The following RNF185 variants were observed in gnomAD, a reference collection of about 807,000 sequenced individuals.
The protein encoded by RNF185 is E3 ubiquitin-protein ligase RNF185.
A neutral mutation model predicts 24.9 loss-of-function variants in RNF185; 13 were observed. The ratio of observed to expected loss-of-function variants is 0.52; its 90% CI spans 0.34 to 0.83. The LOEUF (loss-of-function observed/expected upper bound fraction) is 0.83, where lower values mean the gene tolerates loss of function less well. Among genes scored for constraint, RNF185 ranks in the 40% least tolerant of loss-of-function variants. The probability of loss-of-function intolerance (pLI) is 0.01; values close to 1 mark genes in which losing one functional copy is unlikely to be tolerated. For synonymous variants in RNF185, 79 were observed against 90.3 expected (o/e 0.88, Z 0.71); for missense variants, 184 against 244.7 (o/e 0.75, Z 1.65).
At chr22:31,168,042 T>C (rs865962029) in intron 1 of RNF185, among the ~76,000 whole-genome samples, 24 of 152,340 alleles carry the variant, frequency 1.6e-4, no homozygotes, top group Middle Eastern at 6.8e-3. Flanking sequence ...TCCAGAACTG[T>C]TTTCATCTTG....
intron 3 of RNF185, among the ~76,000 whole-genome samples, chr22:31,193,360 A>T (rs1308423588): frequency 6.6e-6 from 1 of 152,210 alleles, no homozygotes; most frequent in Non-Finnish European, 1.5e-5. Context: ...CTGGTAGTAC[A>T]TATTGACTAT....
At chr22:31,176,964 C>T (rs1212337631) in intron 1 of RNF185, among the ~76,000 whole-genome samples, 1 of 152,106 alleles carries the variant, frequency 6.6e-6, no homozygotes, top group African/African-American at 2.4e-5. Context: ...ATCATGGAGC[C>T]CTTTGGAAGG....
chr22:31,163,767 G>T (rs911196642), intron 1 of RNF185, among the ~76,000 whole-genome samples: 1 of 151,282 alleles, frequency 6.6e-6, no homozygotes, highest in Admixed American at 6.6e-5. Context: ...TCCACCTCCC[G>T]GGCTCAAGCA....
At chr22:31,181,134 G>T (rs2048032412) in intron 1 of RNF185, among the ~76,000 whole-genome samples, 1 of 151,996 alleles carries the variant, frequency 6.6e-6, no homozygotes, top group Non-Finnish European at 1.5e-5. Context: ...AATTGCTTGA[G>T]CCCAGGAGTT....
rs2048314976 is a variant in RNF185, at chr22:31,206,402, C to A, written c.*1816C>A. ...GCTCTTTTTATCACCTTCTGGAAAT[C>A]CGCAAAGTTGCAGGGGCCTCTGGAG... On this transcript the variant is annotated 3_prime_UTR_variant, in exon 7 of 7. Transcript: ENST00000326132. 1 of 152,526 alleles carries A rather than the reference C, an allele frequency of 6.6e-6. No individual in the cohort carries two copies. The highest frequency in any genetic ancestry group is 1.5e-5 in the Non-Finnish European group (1 of 68,064). The allele number at this position is 152,526 out of a possible 1,614,324, so 9.4% of individuals were successfully genotyped here. A position where few individuals can be genotyped will look rare whatever the true frequency, so the allele number is the denominator to read the frequency against.
At chr22:31,170,565 C>T (rs945873899) in intron 1 of RNF185, among the ~76,000 whole-genome samples, 1 of 151,760 alleles carries the variant, frequency 6.6e-6, no homozygotes, top group Non-Finnish European at 1.5e-5. Flanking sequence ...GGGTGGAGTG[C>T]GGTAGTATGA....
rs190699044 is a variant in RNF185, at chr22:31,205,707, A to G, written c.*1121A>G. 2.0e-5 allele frequency: 3 copies of G among 152,308 alleles called. No individual in the cohort carries two copies. The highest frequency in any genetic ancestry group is 1.3e-4 in the Admixed American group (2 of 15,288). 9.4% of individuals were successfully genotyped at this position (152,308 alleles called of 1,614,324 possible). A position where few individuals can be genotyped will look rare whatever the true frequency, so the allele number is the denominator to read the frequency against. On this transcript the variant is annotated 3_prime_UTR_variant, in exon 7 of 7. Coordinates refer to ENST00000326132, the MANE Select transcript of RNF185 (RefSeq NM_152267.4). ...ATAGAGTTCCCTGAAAACTCCTTGT[A>G]TGTGTGCTAAAACCAGGGAAGCATG...
chr22:31,194,895 CCT>C (rs1291507267), intron 3 of RNF185, among the ~76,000 whole-genome samples: 1 of 152,122 alleles, frequency 6.6e-6, no homozygotes, highest in Non-Finnish European at 1.5e-5. Context: ...TTTCCCTCCC[CCT>C]GTGTTGCTAG....
chr22:31,198,784 CAG>C (rs2048234072), intron 5 of RNF185, among the ~76,000 whole-genome samples: 1 of 116,470 alleles, frequency 8.6e-6, no homozygotes, highest in Admixed American at 1.2e-4. Context: ...ATTATTGAGT[CAG>C]GGATCTTGAA....
At chr22:31,189,135 A>ATATGTATGTGTGTG (rs368967009) in intron 2 of RNF185, among the ~76,000 whole-genome samples, 1 of 136,872 alleles carries the variant, frequency 7.3e-6, no homozygotes, top group Non-Finnish European at 1.6e-5. Context: ...CAAAAAAAAA[A>ATATGTATGTGTGTG]TGTGTGTGTG....
intron 1 of RNF185, among the ~76,000 whole-genome samples, chr22:31,173,596 C>G (rs2047953562): frequency 6.6e-6 from 1 of 152,182 alleles, no homozygotes; most frequent in South Asian, 2.1e-4. Flanking sequence ...TTGCCTCTGA[C>G]TAGGTCTGTG....
intron 1 of RNF185, among the ~76,000 whole-genome samples, chr22:31,183,581 A>G (rs1416433097): frequency 1.3e-5 from 2 of 151,988 alleles, no homozygotes; most frequent in Non-Finnish European, 2.9e-5. Flanking sequence ...GGGAGTGGTG[A>G]TGACTCTTAA....
chr22:31,163,391 G>A (rs912202746), intron 1 of RNF185, among the ~76,000 whole-genome samples: 2 of 149,744 alleles, frequency 1.3e-5, no homozygotes, highest in African/African-American at 2.5e-5. Context: ...GCAGTGGCAC[G>A]AACATAGCCT....
At chr22:31,183,593 G>A (rs1355127333) in intron 1 of RNF185, among the ~76,000 whole-genome samples, 5 of 152,042 alleles carry the variant, frequency 3.3e-5, no homozygotes, top group South Asian at 2.1e-4. Flanking sequence ...GACTCTTAAC[G>A]AGTATGCTGC....
intron 5 of RNF185, among the ~76,000 whole-genome samples, chr22:31,198,086 T>C (rs2048224225): frequency 6.6e-6 from 1 of 152,234 alleles, no homozygotes; most frequent in Non-Finnish European, 1.5e-5. Context: ...AGAACAAGTA[T>C]ATTCTCATAT....
chr22:31,197,131 A>T, intron 5 of RNF185, 141 bp downstream of exon 5: 1 of 1,283,328 alleles, frequency 7.8e-7, no homozygotes, highest in Non-Finnish European at 1.1e-6. Flanking sequence ...GGGGAAAAAA[A>T]TCACTTATAA....
intron 1 of RNF185, among the ~76,000 whole-genome samples, chr22:31,164,907 T>A (rs925505157): frequency 4.6e-5 from 7 of 151,538 alleles, no homozygotes; most frequent in South Asian, 2.1e-4. Flanking sequence ...AAATTTATTT[T>A]TTTTTTAATT....
At chr22:31,182,749 A>G (rs774682537) in intron 1 of RNF185, among the ~76,000 whole-genome samples, 9 of 151,212 alleles carry the variant, frequency 6.0e-5, no homozygotes, top group African/African-American at 2.0e-4. Flanking sequence ...ATCTCAATCT[A>G]TAACCCCAAT....
chr22:31,197,875 A>C lies in RNF185; in HGVS notation c.363+885A>C, dbSNP rs5997912. ...TAGGATTACAGGCGTGAACCACTGTACCTGGCTTAGGATAAATTCTTAGAA... is the reference window on the plus strand; with the variant it reads ...TAGGATTACAGGCGTGAACCACTGTCCCTGGCTTAGGATAAATTCTTAGAA... On this transcript the variant is annotated intron_variant, in intron 5 of 6. Coordinates refer to ENST00000326132, the MANE Select transcript of RNF185 (RefSeq NM_152267.4). Among the ~76,000 whole-genome samples, 23 of 152,186 alleles carry C rather than the reference A, an allele frequency of 1.5e-4. No individual in the cohort carries two copies. The South Asian group carries it at 4.6e-3, about 30-fold the overall frequency.
Sources: gnomAD v4.1 joint callset for allele counts (sites outside exome capture counted in the v4.1 genomes callset) on GRCh38, gnomAD v4.1.1 for gene constraint, MANE v1.5 for transcripts, NCBI Gene and HGNC (gene_info 2026-07-23, HGNC 2026-07-21) for gene names.